JMY: variants seen among roughly 807,000 people sequenced by gnomAD.
The protein encoded by JMY is junction-mediating and -regulatory protein.
Under a neutral mutation model 103.3 loss-of-function variants are expected in JMY, and 46 were observed. The ratio of observed to expected loss-of-function variants is 0.45; its 90% CI spans 0.35 to 0.57. The LOEUF is 0.57. Ranked by LOEUF, JMY falls within the 20% of genes least tolerant of loss-of-function variation. The pLI, the probability that JMY is intolerant of heterozygous loss-of-function variation, is 0.00. For missense variants in JMY, 1,238 were observed against 1,255.2 expected (o/e 0.99, Z 0.21); for synonymous variants, 526 against 489.3 (o/e 1.07, Z -0.99).
chr5:79,305,590 C>G (rs965761545), intron 6 of JMY, among the ~76,000 whole-genome samples: 9 of 152,028 alleles, frequency 5.9e-5, no homozygotes, highest in African/African-American at 9.7e-5. Context: ...TAAAAAGTTA[C>G]CAGAATATAG....
At position 79,293,775 on chromosome 5, in the gene JMY, C is replaced by T. The variant is rs1191916596; in HGVS notation, c.1527+2476C>T. ...ACTGCTGAAAATACTGTGTTTTTAG[C>T]CCAATACCTGTGAAAGAATCCTTTG... On this transcript the variant is annotated intron_variant, in intron 4 of 10. Transcript: ENST00000396137. 3.3e-5 allele frequency among the ~76,000 whole-genome samples: 5 copies of T among 152,246 alleles called. No individual in the cohort carries two copies. In the East Asian group the frequency reaches 7.7e-4, roughly 23 times the overall value.
At chr5:79,285,286 C>T (rs902468674) in intron 2 of JMY, among the ~76,000 whole-genome samples, 2 of 152,044 alleles carry the variant, frequency 1.3e-5, no homozygotes, top group Admixed American at 1.3e-4. Flanking sequence ...CCCTGCCCCC[C>T]ACCCGCCCAC....
chr5:79,311,408 T>G (rs1747045409), intron 7 of JMY, among the ~76,000 whole-genome samples: 1 of 152,174 alleles, frequency 6.6e-6, no homozygotes, highest in Non-Finnish European at 1.5e-5. Flanking sequence ...GAAATTATAT[T>G]GTTTAGGGAA....
chr5:79,281,268 TCTC>T (rs1746102132), intron 2 of JMY, among the ~76,000 whole-genome samples: 1 of 151,350 alleles, frequency 6.6e-6, no homozygotes, highest in African/African-American at 2.4e-5. Context: ...ATGGTCTCGA[TCTC>T]CTGACCTCGT....
intron 1 of JMY, among the ~76,000 whole-genome samples, chr5:79,262,534 A>G (rs186480870): frequency 2.6e-5 from 4 of 152,356 alleles, no homozygotes; most frequent in Non-Finnish European, 5.9e-5. Context: ...TCTAATGCTT[A>G]GTAAATTGTA....
intron 1 of JMY, among the ~76,000 whole-genome samples, chr5:79,240,108 C>G (rs1306165657): frequency 6.6e-6 from 1 of 151,810 alleles, no homozygotes; most frequent in Non-Finnish European, 1.5e-5. Context: ...CTCTGCCTCC[C>G]GGGTTCCAGT....
chr5:79,236,937 C>T lies in JMY; in HGVS notation c.287C>T (p.Ala96Val). 4.2e-6 allele frequency: 6 copies of T among 1,430,176 alleles called. No homozygotes were observed. The highest frequency in any genetic ancestry group is 5.5e-6 in the Non-Finnish European group (6 of 1,096,226). 88.6% of individuals were successfully genotyped at this position (1,430,176 alleles called of 1,614,324 possible). A position where few individuals can be genotyped will look rare whatever the true frequency, so the allele number is the denominator to read the frequency against. The change falls in exon 1 of 11, where the codon GCA becomes GTA. Residue 96 changes from alanine to valine, a missense_variant. Physicochemically the swap from Ala to Val is moderately conservative, Grantham distance 64. Coordinates refer to ENST00000396137, the MANE Select transcript of JMY (RefSeq NM_152405.5). Reference sequence around the variant, plus strand: ...GGTCGGCCCGAGGCCACTGCCTCTGCAACTCTGGTTAGGAGCCCCGGGCCC... The same window carrying T: ...GGTCGGCCCGAGGCCACTGCCTCTGTAACTCTGGTTAGGAGCCCCGGGCCC... Reference protein sequence around the residue: ...GRGRPEATASATLVRSPGPRR... With the variant: ...GRGRPEATASVTLVRSPGPRR...
At chr5:79,249,679 T>A (rs1745015705) in intron 1 of JMY, among the ~76,000 whole-genome samples, 1 of 152,226 alleles carries the variant, frequency 6.6e-6, no homozygotes, top group Non-Finnish European at 1.5e-5. Context: ...AATTGAGTAA[T>A]GTTTTTCTCT....
chr5:79,270,941 G>T (rs531302778), intron 1 of JMY, among the ~76,000 whole-genome samples: 2 of 151,956 alleles, frequency 1.3e-5, no homozygotes, highest in South Asian at 4.1e-4. Context: ...ATTATTGACT[G>T]TTGAGCTAGC....
intron 1 of JMY, among the ~76,000 whole-genome samples, chr5:79,241,693 T>C (rs1744747796): frequency 6.6e-6 from 1 of 152,156 alleles, no homozygotes; most frequent in African/African-American, 2.4e-5. Context: ...CGTTTAAAAG[T>C]TATGTTTATG....
At position 79,327,175 on chromosome 5, in the gene JMY, C is replaced by A. The variant is rs1365341936; in HGVS notation, c.*5573C>A. ...AGTTTTGGTGCTTTTAACAATATTC[C>A]TCTTTTTCTTTAATAAAGGATATTT... On this transcript the variant is annotated 3_prime_UTR_variant, in exon 11 of 11. Coordinates refer to ENST00000396137, the MANE Select transcript of JMY (RefSeq NM_152405.5). 6.8e-6 allele frequency: 1 copy of A among 147,560 alleles called. No homozygotes were observed. Among genetic ancestry groups the A allele is most frequent in the Non-Finnish European group, 1.5e-5 (1 of 67,464 alleles). 9.1% of individuals were successfully genotyped at this position (147,560 alleles called of 1,614,324 possible).
At chr5:79,248,634 T>A (rs1311817872) in intron 1 of JMY, among the ~76,000 whole-genome samples, 1 of 151,944 alleles carries the variant, frequency 6.6e-6, no homozygotes, top group Non-Finnish European at 1.5e-5. Flanking sequence ...AGTAAATAAT[T>A]ACCTCACCTC....
At position 79,237,008 on chromosome 5, in the gene JMY, C is replaced by A. The variant is rs1429274221; in HGVS notation, c.358C>A (p.Arg120Ser). 2 of 1,483,012 alleles carry A rather than the reference C, an allele frequency of 1.3e-6. No individual in the cohort carries two copies. Among genetic ancestry groups the A allele is most frequent in the East Asian group, 2.5e-5 (1 of 40,268 alleles). 91.9% of individuals were successfully genotyped at this position (1,483,012 alleles called of 1,614,324 possible). A position where few individuals can be genotyped will look rare whatever the true frequency, so the allele number is the denominator to read the frequency against. ...WAEGGSPRSTRSLLGDPRLRS... is the reference protein window; with the variant it reads ...WAEGGSPRSTSSLLGDPRLRS... ...GGAGGGCGGCTCTCCTCGGAGCACT[C>A]GCAGCCTTCTGGGGGACCCGCGGCT... Residue 120 changes from arginine (R) to serine (S), a missense_variant, in exon 1 of 11, where the codon CGC (arginine) becomes AGC (serine). By Grantham distance (110) the Arg-to-Ser change is moderately radical. Transcript: ENST00000396137.
In JMY at chr5:79,284,608, A is replaced by C. The variant is rs541610753; in HGVS notation, c.1207-5513A>C. On this transcript the variant is annotated intron_variant, in intron 2 of 10. Transcript: ENST00000396137. ...CCATGGAACACATTTTGTCACAGGT[A>C]AGATCCATGCCATGGAAGTTAGGCA... 1.5e-4 allele frequency: 226 copies of C among 1,544,146 alleles called. No individual in the cohort carries two copies. In the African/African-American group the frequency reaches 2.6e-3, roughly 18 times the overall value.
At chr5:79,301,805 G>T (rs1033383519) in intron 6 of JMY, among the ~76,000 whole-genome samples, 1 of 152,282 alleles carries the variant, frequency 6.6e-6, no homozygotes, top group East Asian at 1.9e-4. Flanking sequence ...AAACATTGCA[G>T]GCTGGGCGCG....
At chr5:79,261,891 C>T (rs1745434938) in intron 1 of JMY, among the ~76,000 whole-genome samples, 1 of 152,256 alleles carries the variant, frequency 6.6e-6, no homozygotes, top group African/African-American at 2.4e-5. Flanking sequence ...TCCCAAAGTG[C>T]TGGGATTACA....
At chr5:79,311,434 G>A (rs1747045938) in intron 7 of JMY, among the ~76,000 whole-genome samples, 1 of 152,152 alleles carries the variant, frequency 6.6e-6, no homozygotes, top group Non-Finnish European at 1.5e-5. Flanking sequence ...GTGGGGAAGA[G>A]GAGAGAAATG....
intron 10 of JMY, among the ~76,000 whole-genome samples, chr5:79,317,321 C>T (rs768153111): frequency 1.8e-4 from 28 of 152,018 alleles, no homozygotes; most frequent in Admixed American, 3.3e-4. Context: ...ATGAATACTC[C>T]TATACATATT....
At chr5:79,282,462 T>TA (rs1363479475) in intron 2 of JMY, among the ~76,000 whole-genome samples, 4 of 152,284 alleles carry the variant, frequency 2.6e-5, no homozygotes, top group East Asian at 1.9e-4. Context: ...CGTGATTTTT[T>TA]AAAAAAAGTT....
Sources: allele counts gnomAD v4.1 joint callset (sites outside exome capture counted in the v4.1 genomes callset), GRCh38; gene constraint gnomAD v4.1.1; transcripts MANE v1.5; gene names NCBI Gene and HGNC (gene_info 2026-07-23, HGNC 2026-07-21).